Variants in PPM1D observed in about 807,000 individuals in gnomAD.
PPM1D encodes protein phosphatase, Mg2+/Mn2+ dependent 1D.
In PPM1D, 52 loss-of-function variants were observed where a neutral mutation model predicts 58.3. That is an observed-to-expected ratio of 0.89 (90% CI 0.71 to 1.12). PPM1D has a LOEUF of 1.12. Ranked by LOEUF, PPM1D falls within the 50% of genes most tolerant of loss-of-function variation. PPM1D has a pLI of 0.00. For synonymous variants in PPM1D, 278 were observed against 285.1 expected, an observed-to-expected ratio of 0.98 and a Z score of 0.25; for missense variants, 564 against 777.2, an observed-to-expected ratio of 0.73 and a Z score of 3.26.
rs142406693 is a variant in PPM1D at position 60,663,169 on chromosome 17, G to A, written c.1435G>A (p.Ala479Thr). Residue 479 changes from alanine to threonine, a missense_variant, in exon 6 of 6, where the codon GCT (alanine) becomes ACT (threonine). Coordinates refer to ENST00000305921, the MANE Select transcript of PPM1D (RefSeq NM_003620.4). ...KDPEPLEENC[A>T]KALTLRIHDS... ...TCCAGAACCACTTGAAGAAAATTGC[G>A]CTAAAGCCCTGACTTTAAGGATACA... The A allele has an allele frequency of 1.5e-4, 249 of 1,614,114 alleles. 1 individual carries two copies. In the East Asian group the frequency reaches 4.0e-3, roughly 26 times the overall value.
intron 1 of PPM1D, among the ~76,000 whole-genome samples, chr17:60,612,204 C>T (rs981594064): frequency 6.6e-6 from 1 of 152,128 alleles, no homozygotes; most frequent in East Asian, 1.9e-4. Context: ...TGACCATTTG[C>T]AATTATCCCA....
chr17:60,628,749 A>G (rs912491771), intron 2 of PPM1D, among the ~76,000 whole-genome samples: 12 of 151,596 alleles, frequency 7.9e-5, no homozygotes, highest in African/African-American at 2.9e-4. Flanking sequence ...AAAAAACTCC[A>G]CTGTATACAT....
chr17:60,616,324 A>G (rs2030584238), intron 1 of PPM1D, among the ~76,000 whole-genome samples: 1 of 151,990 alleles, frequency 6.6e-6, no homozygotes, highest in African/African-American at 2.4e-5. Context: ...AAGAAAAGAA[A>G]AAGGCCAGGT....
At chr17:60,607,346 G>A (rs1407588233) in intron 1 of PPM1D, among the ~76,000 whole-genome samples, 1 of 152,162 alleles carries the variant, frequency 6.6e-6, no homozygotes, top group Admixed American at 6.5e-5. Flanking sequence ...GCAATGGTGC[G>A]ATCTCAGCTC....
At chr17:60,645,871 C>T (rs1420363712) in intron 3 of PPM1D, among the ~76,000 whole-genome samples, 2 of 151,684 alleles carry the variant, frequency 1.3e-5, no homozygotes, top group African/African-American at 2.4e-5. Flanking sequence ...GACCCAGTAC[C>T]GTGGCTCATA....
In PPM1D at chr17:60,663,711, T is replaced by C; in HGVS notation, c.*159T>C. 1.3e-6 allele frequency: 1 copy of C among 742,192 alleles called. No homozygotes were observed. The highest frequency in any genetic ancestry group is 4.0e-4 in the Middle Eastern group (1 of 2,530). 46.0% of individuals were successfully genotyped at this position (742,192 alleles called of 1,614,324 possible). On this transcript the variant is annotated 3_prime_UTR_variant, in exon 6 of 6. Transcript: ENST00000305921. Reference sequence around the variant, plus strand: ...GTTTTATCCTGGCCTTGTACTTGCTTGTATTGTAAATGTGGATTTTGTAGA... The same window carrying C: ...GTTTTATCCTGGCCTTGTACTTGCTCGTATTGTAAATGTGGATTTTGTAGA...
At chr17:60,613,205 CT>C (rs375626662) in intron 1 of PPM1D, among the ~76,000 whole-genome samples, 9 of 146,094 alleles carry the variant, frequency 6.2e-5, no homozygotes, top group African/African-American at 7.5e-5. Context: ...GCAGTGTAGC[CT>C]TTTTTTTTTC....
chr17:60,600,817 C>T lies in PPM1D; in HGVS notation c.403C>T (p.Pro135Ser), dbSNP rs1346992554. The change falls in exon 1 of 6, where the codon CCG (proline) becomes TCG (serine). Residue 135 changes from proline (P) to serine (S), a missense_variant. Pro to Ser is a moderately conservative substitution (Grantham distance 74, BLOSUM62 -1). This residue lies in a region of PPM1D where 23 missense variants were observed against 28.9 expected (regional missense o/e 0.80). Transcript: ENST00000305921. ...GCAGAAGGGTTTCACCTCGTCCGAG[C>T]CGGCTAAGGTTTGCGCTGCCATCCG... The part of the protein sequence containing the change: ...KKQKGFTSSE[P>S]AKVCAAIRKG... The T allele has an allele frequency of 6.2e-7, 1 of 1,613,074 alleles. No homozygotes were observed. Among genetic ancestry groups the T allele is most frequent in the Admixed American group, 1.7e-5 (1 of 60,038 alleles).
chr17:60,636,537 TATA>T (rs1377782398), intron 3 of PPM1D, among the ~76,000 whole-genome samples: 2 of 152,150 alleles, frequency 1.3e-5, no homozygotes, highest in Non-Finnish European at 2.9e-5. Flanking sequence ...GTGGGGCCTG[TATA>T]ATAATTCTAA....
intron 4 of PPM1D, among the ~76,000 whole-genome samples, chr17:60,655,926 C>T (rs1300099254): frequency 6.7e-6 from 1 of 148,312 alleles, no homozygotes; most frequent in Non-Finnish European, 1.5e-5. Flanking sequence ...TGGTCTCGAT[C>T]TCCTGACCTC....
At chr17:60,633,761 A>G (rs1034405288) in intron 2 of PPM1D, 92 bp from the exon 3 acceptor site, 1 of 1,231,410 alleles carries the variant, frequency 8.1e-7, no homozygotes. Context: ...GTAATAATGT[A>G]GTCTTATTTT....
At chr17:60,624,366 G>A (rs2030763762) in intron 2 of PPM1D, among the ~76,000 whole-genome samples, 1 of 152,174 alleles carries the variant, frequency 6.6e-6, no homozygotes, top group Non-Finnish European at 1.5e-5. Context: ...GGCAAGTTGA[G>A]TAGAATCCAA....
intron 5 of PPM1D, among the ~76,000 whole-genome samples, chr17:60,658,645 T>C (rs1285752797): frequency 5.7e-5 from 7 of 123,526 alleles, no homozygotes; most frequent in Admixed American, 2.6e-4. Context: ...CAAAACCCCA[T>C]CTCAAAAAAA....
At chr17:60,628,587 A>G (rs1050911782) in intron 2 of PPM1D, among the ~76,000 whole-genome samples, 2 of 152,172 alleles carry the variant, frequency 1.3e-5, no homozygotes, top group Non-Finnish European at 2.9e-5. Context: ...AGAATGTCAT[A>G]TAGTTGGAAC....
chr17:60,628,607 T>C (rs1477788172), intron 2 of PPM1D, among the ~76,000 whole-genome samples: 4 of 152,338 alleles, frequency 2.6e-5, no homozygotes, highest in Admixed American at 2.0e-4. Flanking sequence ...CCATATAGTA[T>C]GTAGCCCCTA....
intron 3 of PPM1D, among the ~76,000 whole-genome samples, chr17:60,645,512 G>GTA (rs543935194): frequency 1.5e-5 from 2 of 131,144 alleles, no homozygotes; most frequent in Middle Eastern, 7.6e-3. Context: ...ATATATATGT[G>GTA]TATATATATG....
At chr17:60,646,029 A>C (rs925977106) in intron 3 of PPM1D, among the ~76,000 whole-genome samples, 2 of 152,050 alleles carry the variant, frequency 1.3e-5, no homozygotes, top group African/African-American at 4.8e-5. Flanking sequence ...AGTCCCATCT[A>C]CTTGAGAGGT....
rs756529755 is a variant in PPM1D at position 60,663,363 on chromosome 17, T to C, written c.1629T>C (p.Ser543=). Residue 543 remains serine (S), a synonymous_variant, in exon 6 of 6, where the codon TCT becomes TCC. Coordinates refer to ENST00000305921, the MANE Select transcript of PPM1D (RefSeq NM_003620.4). The part of the protein sequence containing the change: ...NFKRTLEESN[S]GPLMKKHRRN... ...AAAGGACATTAGAAGAGTCCAATTCTGGCCCCCTGATGAAGAAGCATAGAC... is the reference window on the plus strand; with the variant it reads ...AAAGGACATTAGAAGAGTCCAATTCCGGCCCCCTGATGAAGAAGCATAGAC... 3 of 1,614,066 alleles carry C rather than the reference T, an allele frequency of 1.9e-6. No individual in the cohort carries two copies. The highest frequency in any genetic ancestry group is 2.5e-6 in the Non-Finnish European group (3 of 1,180,036).
chr17:60,611,634 G>T (rs760291066), intron 1 of PPM1D, among the ~76,000 whole-genome samples: 6 of 151,924 alleles, frequency 3.9e-5, no homozygotes, highest in Non-Finnish European at 7.4e-5. Context: ...TGCCAAGCTG[G>T]TCTCAAACTC....
Sources: allele counts gnomAD v4.1 joint callset (sites outside exome capture counted in the v4.1 genomes callset), GRCh38; gene constraint gnomAD v4.1.1; regional missense constraint gnomAD v4.1.1; transcripts MANE v1.5; gene names NCBI Gene and HGNC (gene_info 2026-07-23, HGNC 2026-07-21).